SPPL3: variants seen among roughly 807,000 people sequenced by gnomAD.
The protein encoded by SPPL3 is signal peptide peptidase like 3.
In SPPL3, 5 loss-of-function variants were observed where a neutral mutation model predicts 42.4. That is an observed-to-expected ratio of 0.12 (90% CI 0.06 to 0.25). The LOEUF (loss-of-function observed/expected upper bound fraction) is 0.25, where lower values mean the gene tolerates loss of function less well. Among genes scored for constraint, SPPL3 ranks in the 10% least tolerant of loss-of-function variants. The pLI is 1.00. For missense variants in SPPL3, 235 were observed against 489.0 expected, an observed-to-expected ratio of 0.48 and a Z score of 4.90; for synonymous variants, 195 against 181.8, an observed-to-expected ratio of 1.07 and a Z score of -0.58.
chr12:120,833,631 G>C (rs1219029620), intron 1 of SPPL3, among the ~76,000 whole-genome samples: 1 of 130,024 alleles, frequency 7.7e-6, no homozygotes, highest in African/African-American at 3.1e-5. Context: ...GGAGTTGGGA[G>C]ACCAGCCTGG....
At chr12:120,898,314 TAAA>T (rs869283065) in intron 1 of SPPL3, among the ~76,000 whole-genome samples, 835 of 64,262 alleles carry the variant, frequency 0.013, 18 homozygotes, top group East Asian at 0.12. Context: ...TTTTTTTTTT[TAAA>T]AAAAAAAAAA....
chr12:120,891,736 T>TAAAAAAAAAAAAAA (rs5801407), intron 1 of SPPL3, among the ~76,000 whole-genome samples: 1 of 134,648 alleles, frequency 7.4e-6, no homozygotes, highest in African/African-American at 2.8e-5. Flanking sequence ...TTGCAAATTC[T>TAAAAAAAAAAAAAA]AAAAAAAAAA....
At chr12:120,827,218 A>C (rs1023589443) in intron 1 of SPPL3, among the ~76,000 whole-genome samples, 1 of 151,936 alleles carries the variant, frequency 6.6e-6, no homozygotes, top group African/African-American at 2.4e-5. Flanking sequence ...AACATGAGAA[A>C]TACCCTTAAC....
At chr12:120,776,083 C>A (rs192547844) in intron 6 of SPPL3, among the ~76,000 whole-genome samples, 1 of 152,250 alleles carries the variant, frequency 6.6e-6, no homozygotes, top group African/African-American at 2.4e-5. Flanking sequence ...GAGAAACAAA[C>A]GAAAAGCTCA....
Position 120,878,338 on chromosome 12 carries a change from C to T in SPPL3, c.23+25507G>A, listed in dbSNP as rs970823626. On this transcript the variant is annotated intron_variant, in intron 1 of 10. Coordinates refer to ENST00000353487, the MANE Select transcript of SPPL3 (RefSeq NM_139015.5). ...ATGAAATCATTAACAAGATACTTTACGGAACTTGGGAAAACTTGGAAAAAT... is the reference window on the plus strand; with the variant it reads ...ATGAAATCATTAACAAGATACTTTATGGAACTTGGGAAAACTTGGAAAAAT... 3.9e-5 allele frequency among the ~76,000 whole-genome samples: 6 copies of T among 152,176 alleles called. No individual in the cohort carries two copies. The East Asian group carries it at 9.6e-4, about 24-fold the overall frequency.
intron 1 of SPPL3, among the ~76,000 whole-genome samples, chr12:120,895,206 T>A (rs1873763565): frequency 6.6e-6 from 1 of 152,126 alleles, no homozygotes; most frequent in East Asian, 1.9e-4. Flanking sequence ...GGTGGGTGGA[T>A]CACCTGAGAT....
Position 120,799,230 on chromosome 12 carries a change from T to C in SPPL3, c.102-7673A>G, listed in dbSNP as rs139740620. Reference sequence around the variant, plus strand: ...TCAGAACACGTACATTAGCCTACAGTTGGGCAAAATCATCTAACACAAAGG... The same window carrying C: ...TCAGAACACGTACATTAGCCTACAGCTGGGCAAAATCATCTAACACAAAGG... On this transcript the variant is annotated intron_variant, in intron 2 of 10. Coordinates refer to ENST00000353487, the MANE Select transcript of SPPL3 (RefSeq NM_139015.5). Among the ~76,000 whole-genome samples the C allele has an allele frequency of 2.0e-5, 3 of 152,290 alleles. No homozygotes were observed. In the East Asian group the frequency reaches 5.8e-4, roughly 29 times the overall value.
At chr12:120,885,801 C>A (rs1873433201) in intron 1 of SPPL3, among the ~76,000 whole-genome samples, 1 of 151,108 alleles carries the variant, frequency 6.6e-6, no homozygotes, top group African/African-American at 2.4e-5. Context: ...GGGGACTCAG[C>A]CAAATTAGAA....
At chr12:120,829,175 CTG>C (rs1204674666) in intron 1 of SPPL3, among the ~76,000 whole-genome samples, 3 of 152,186 alleles carry the variant, frequency 2.0e-5, no homozygotes, top group African/African-American at 7.2e-5. Flanking sequence ...AAATGTGAAA[CTG>C]AAATCCATAA....
intron 1 of SPPL3, chr12:120,811,309 C>A: frequency 6.5e-6 from 1 of 153,660 alleles, no homozygotes. Flanking sequence ...AAGCCTGCAT[C>A]TCCTGAATTC....
chr12:120,835,253 CAT>C (rs1466265318), intron 1 of SPPL3, among the ~76,000 whole-genome samples: 5 of 152,188 alleles, frequency 3.3e-5, no homozygotes, highest in Non-Finnish European at 7.3e-5. Context: ...AGCCAAATAA[CAT>C]ATAATTCTAA....
At chr12:120,863,034 A>G (rs2137043657) in intron 1 of SPPL3, among the ~76,000 whole-genome samples, 1 of 152,304 alleles carries the variant, frequency 6.6e-6, no homozygotes, top group East Asian at 1.9e-4. Context: ...AACCTGGGAT[A>G]AAGACCAAAT....
At chr12:120,790,734 AG>A (rs769201257) in intron 3 of SPPL3, among the ~76,000 whole-genome samples, 2 of 152,048 alleles carry the variant, frequency 1.3e-5, no homozygotes, top group Non-Finnish European at 2.9e-5. Flanking sequence ...CTATGTTCAG[AG>A]GGATTCTGAG....
At chr12:120,883,672 A>G (rs1417219593) in intron 1 of SPPL3, among the ~76,000 whole-genome samples, 1 of 152,258 alleles carries the variant, frequency 6.6e-6, no homozygotes, top group Non-Finnish European at 1.5e-5. Flanking sequence ...ACAGCACTGG[A>G]AAGGAATGCA....
intron 3 of SPPL3, among the ~76,000 whole-genome samples, chr12:120,786,074 T>A (rs1404303360): frequency 6.6e-6 from 1 of 152,158 alleles, no homozygotes; most frequent in Middle Eastern, 3.2e-3. Flanking sequence ...TTATTTAGGG[T>A]TTTTGATTGA....
intron 1 of SPPL3, among the ~76,000 whole-genome samples, chr12:120,888,853 G>C (rs1873544942): frequency 6.6e-6 from 1 of 151,952 alleles, no homozygotes; most frequent in Non-Finnish European, 1.5e-5. Flanking sequence ...TTGTCACCCA[G>C]GGCGGAGTAC....
chr12:120,893,535 A>T (rs1873710667), intron 1 of SPPL3, among the ~76,000 whole-genome samples: 1 of 152,060 alleles, frequency 6.6e-6, no homozygotes, highest in Non-Finnish European at 1.5e-5. Context: ...AATGGCCAGT[A>T]CCCAGAAGAT....
intron 6 of SPPL3, among the ~76,000 whole-genome samples, chr12:120,775,645 T>C (rs1173940636): frequency 6.6e-6 from 1 of 152,194 alleles, no homozygotes. Context: ...TAGGGGTGTG[T>C]ACTCAATATT....
chr12:120,867,194 G>T (rs1433880935), intron 1 of SPPL3, among the ~76,000 whole-genome samples: 2 of 152,130 alleles, frequency 1.3e-5, no homozygotes, highest in Non-Finnish European at 1.5e-5. Flanking sequence ...ATATCTAAAT[G>T]TAACTTAAAA....
Sources: gnomAD v4.1 joint callset for allele counts (sites outside exome capture counted in the v4.1 genomes callset) on GRCh38, gnomAD v4.1.1 for gene constraint, MANE v1.5 for transcripts, NCBI Gene and HGNC (gene_info 2026-07-23, HGNC 2026-07-21) for gene names.